ZSWIM5: variants seen among roughly 807,000 people sequenced by gnomAD.
ZSWIM5 encodes zinc finger SWIM-type containing 5, also known as zinc finger SWIM domain-containing protein 5.
ZSWIM5 carries 55 observed loss-of-function variants against 119.6 expected under a neutral mutation model. That is an observed-to-expected ratio of 0.46 (90% confidence interval 0.37 to 0.58). ZSWIM5 has a LOEUF of 0.58. Among genes scored for constraint, ZSWIM5 ranks in the 20% least tolerant of loss-of-function variants. ZSWIM5 has a pLI of 0.00. For synonymous variants in ZSWIM5, 537 were observed against 606.9 expected (o/e 0.88, Z 1.69); for missense variants, 1,193 against 1,512.8 (o/e 0.79, Z 3.51).
intron 11 of ZSWIM5, among the ~76,000 whole-genome samples, chr1:45,033,423 G>C (rs1644964501): frequency 6.6e-6 from 1 of 152,044 alleles, no homozygotes; most frequent in African/African-American, 2.4e-5. Context: ...AATCCATGTA[G>C]TTTCCTGGTC....
intron 11 of ZSWIM5, 91 bp downstream of exon 11, chr1:45,034,221 T>C (rs1282520984): frequency 1.1e-5 from 16 of 1,429,054 alleles, no homozygotes; most frequent in Non-Finnish European, 1.9e-6. Flanking sequence ...GGAGCTTCTC[T>C]TTCTCAGGAG....
intron 2 of ZSWIM5, among the ~76,000 whole-genome samples, chr1:45,062,956 C>T (rs552690275): frequency 6.6e-6 from 1 of 152,138 alleles, no homozygotes; most frequent in Non-Finnish European, 1.5e-5. Context: ...GGTACTTTTT[C>T]AGATCTTGTC....
chr1:45,110,840 T>A (rs183025144), intron 1 of ZSWIM5, among the ~76,000 whole-genome samples: 58 of 152,278 alleles, frequency 3.8e-4, no homozygotes, highest in Admixed American at 1.6e-3. Flanking sequence ...TTATCTTAAT[T>A]TCTGTACCCT....
intron 1 of ZSWIM5, among the ~76,000 whole-genome samples, chr1:45,118,604 T>C (rs958937606): frequency 6.6e-6 from 1 of 151,962 alleles, no homozygotes; most frequent in Non-Finnish European, 1.5e-5. Flanking sequence ...TAGCCAAGTG[T>C]GCTGGTGCAT....
intron 8 of ZSWIM5, among the ~76,000 whole-genome samples, chr1:45,038,154 A>G (rs764967031): frequency 3.3e-5 from 5 of 152,220 alleles, no homozygotes; most frequent in African/African-American, 1.2e-4. Context: ...CTACTCTAAT[A>G]GAGTCTTGAG....
At chr1:45,175,015 A>G (rs2149046557) in intron 1 of ZSWIM5, among the ~76,000 whole-genome samples, 1 of 152,232 alleles carries the variant, frequency 6.6e-6, no homozygotes, top group East Asian at 1.9e-4. Context: ...AATTGCCCCA[A>G]AAATGTCCCC....
intron 1 of ZSWIM5, among the ~76,000 whole-genome samples, chr1:45,197,964 AT>A (rs1646135953): frequency 6.6e-6 from 1 of 152,260 alleles, no homozygotes; most frequent in Non-Finnish European, 1.5e-5. Context: ...TTACAAATGG[AT>A]AACTCATTTT....
chr1:45,069,145 G>T (rs1645204533), intron 2 of ZSWIM5, among the ~76,000 whole-genome samples: 1 of 151,742 alleles, frequency 6.6e-6, no homozygotes, highest in South Asian at 2.1e-4. Context: ...CATGTTTTTG[G>T]GCCAGGCACA....
In ZSWIM5 at chr1:45,193,938, G is replaced by GTATATATATATATATATATA. The variant is rs112350029; in HGVS notation, c.595+11817_595+11818insTATATATATATATATATATA. Among the ~76,000 whole-genome samples, 212 of 146,236 alleles carry GTATATATATATATATATATA rather than the reference G, an allele frequency of 1.4e-3. 1 individual carries two copies. Among genetic ancestry groups the GTATATATATATATATATATA allele is most frequent in the African/African-American group, 4.3e-3 (171 of 39,576 alleles). On this transcript the variant is annotated intron_variant, in intron 1 of 13. Transcript: ENST00000359600. Reference sequence around the variant, plus strand: ...TATGTGTACATATGTGTGCATATGTGTATATATATATATATATACATACAT... The same window carrying GTATATATATATATATATATA: ...TATGTGTACATATGTGTGCATATGTGTATATATATATATATATATATATATATATATATATATACATACAT...
chr1:45,151,331 A>G (rs1645795566), intron 1 of ZSWIM5, among the ~76,000 whole-genome samples: 1 of 152,066 alleles, frequency 6.6e-6, no homozygotes, highest in South Asian at 2.1e-4. Flanking sequence ...TCACTGTGGT[A>G]ACTCCAGAAC....
At position 45,096,474 on chromosome 1, in the gene ZSWIM5, A is replaced by G. The variant is rs564012483; in HGVS notation, c.596-8237T>C. Among the ~76,000 whole-genome samples the G allele has an allele frequency of 1.2e-4, 16 of 134,696 alleles. No individual in the cohort carries two copies. The South Asian group carries it at 1.9e-3, about 16-fold the overall frequency. The allele number at this position is 134,696 out of a possible 152,430, so 88.4% of individuals were successfully genotyped here. On this transcript the variant is annotated intron_variant, in intron 1 of 13. Transcript: ENST00000359600. ...TGTGTGTGTGTGTGCGTGTGTGTGC[A>G]TGTGTGTATGTTTTTAAAGAAAATG...
intron 1 of ZSWIM5, among the ~76,000 whole-genome samples, chr1:45,100,302 C>T (rs898645222): frequency 7.9e-5 from 12 of 152,130 alleles, no homozygotes; most frequent in African/African-American, 1.2e-4. Flanking sequence ...TTCACAATTG[C>T]TTCAAAGAGA....
intron 2 of ZSWIM5, among the ~76,000 whole-genome samples, chr1:45,070,814 C>G (rs759557178): frequency 1.3e-5 from 2 of 152,130 alleles, no homozygotes; most frequent in Non-Finnish European, 2.9e-5. Context: ...TCTTTCATCA[C>G]CTGTTTATTC....
At chr1:45,073,103 GT>G (rs1645233907) in intron 2 of ZSWIM5, among the ~76,000 whole-genome samples, 1 of 151,466 alleles carries the variant, frequency 6.6e-6, no homozygotes, top group Non-Finnish European at 1.5e-5. Context: ...TCTTTCATCA[GT>G]GTTTTATAGT....
intron 1 of ZSWIM5, among the ~76,000 whole-genome samples, chr1:45,119,829 A>T (rs1645580781): frequency 6.6e-6 from 1 of 152,116 alleles, no homozygotes. Context: ...ATCTCTTCTG[A>T]TGATCTCATC....
At chr1:45,051,315 T>C in intron 4 of ZSWIM5, 62 bp from the exon 5 acceptor site, 1 of 1,433,358 alleles carries the variant, frequency 7.0e-7, no homozygotes, top group East Asian at 2.5e-5. Flanking sequence ...TAAGCCTTAA[T>C]GTTTCAGTTT....
Position 45,122,389 on chromosome 1 carries a change from G to A in ZSWIM5, c.596-34152C>T, listed in dbSNP as rs892188431. On this transcript the variant is annotated intron_variant, in intron 1 of 13. Coordinates refer to ENST00000359600, the MANE Select transcript of ZSWIM5 (RefSeq NM_020883.2). ...ACATATAGTAAACACTCAATGACAA[G>A]TAATGACAGTTAAAACTTATATAAC... Among the ~76,000 whole-genome samples the A allele has an allele frequency of 2.6e-5, 4 of 152,220 alleles. No homozygotes were observed. In the East Asian group the frequency reaches 7.7e-4, roughly 29 times the overall value.
intron 1 of ZSWIM5, among the ~76,000 whole-genome samples, chr1:45,183,054 G>A (rs1000100514): frequency 6.6e-6 from 1 of 152,082 alleles, no homozygotes; most frequent in South Asian, 2.1e-4. Context: ...CTGTCTCTCA[G>A]ACCACAGTGC....
intron 1 of ZSWIM5, among the ~76,000 whole-genome samples, chr1:45,136,707 C>T (rs989093873): frequency 6.6e-6 from 1 of 152,136 alleles, no homozygotes; most frequent in African/African-American, 2.4e-5. Flanking sequence ...ATTTGACAGG[C>T]AATTAAGCTA....
Sources: gnomAD v4.1 joint callset for allele counts (sites outside exome capture counted in the v4.1 genomes callset) on GRCh38, gnomAD v4.1.1 for gene constraint, MANE v1.5 for transcripts, NCBI Gene and HGNC (gene_info 2026-07-23, HGNC 2026-07-21) for gene names.